The following SGK1 variants were observed in gnomAD, a reference collection of about 807,000 sequenced individuals.
SGK1 encodes the protein serine/threonine-protein kinase Sgk1.
Under a neutral mutation model 64.2 loss-of-function variants are expected in SGK1, and 26 were observed. The ratio of observed to expected loss-of-function variants is 0.40; its 90% CI spans 0.30 to 0.56. The LOEUF is 0.56. SGK1 is among the 20% of genes least tolerant of loss of function. The probability of loss-of-function intolerance (pLI) is 0.38; values close to 1 mark genes in which losing one functional copy is unlikely to be tolerated. For synonymous variants in SGK1, 265 were observed against 239.7 expected (o/e 1.11, Z -0.98); for missense variants, 519 against 645.6 (o/e 0.80, Z 2.12).
At chr6:134,206,018 C>A (rs1359511030) in intron 3 of SGK1, among the ~76,000 whole-genome samples, 2 of 151,980 alleles carry the variant, frequency 1.3e-5, no homozygotes, top group East Asian at 1.9e-4. Flanking sequence ...TGAGAACATA[C>A]CCTACTCTTT....
intron 2 of SGK1, among the ~76,000 whole-genome samples, chr6:134,231,062 G>A (rs566338486): frequency 1.7e-4 from 26 of 152,126 alleles, no homozygotes; most frequent in Non-Finnish European, 2.8e-4. Context: ...AGTGGTACAC[G>A]CCTGTGGTCC....
chr6:134,248,592 C>T (rs951557755), intron 2 of SGK1, among the ~76,000 whole-genome samples: 3 of 151,852 alleles, frequency 2.0e-5, no homozygotes, highest in Non-Finnish European at 4.4e-5. Flanking sequence ...GCTGGGATTA[C>T]AGTCATGTGC....
rs184777118 is a variant in SGK1 at position 134,204,968 on chromosome 6, T to C, written c.361+2388A>G. Among the ~76,000 whole-genome samples, 120 of 114,278 alleles carry C rather than the reference T, an allele frequency of 1.1e-3. 2 individuals are homozygous for C. In the East Asian group the frequency reaches 0.022, roughly 21 times the overall value. 75.0% of individuals were successfully genotyped at this position (114,278 alleles called of 152,430 possible). On this transcript the variant is annotated intron_variant, in intron 3 of 13. Transcript: ENST00000367858. ...CCCTCCCTCCTTTTCTTTCTTTCTTTCTTTTTCTTTCTTTCTTTCTTTCTC... is the reference window on the plus strand; with the variant it reads ...CCCTCCCTCCTTTTCTTTCTTTCTTCCTTTTTCTTTCTTTCTTTCTTTCTC...
At chr6:134,220,834 TAGTC>T (rs1776078737) in intron 2 of SGK1, among the ~76,000 whole-genome samples, 1 of 112,310 alleles carries the variant, frequency 8.9e-6, no homozygotes, top group Non-Finnish European at 1.7e-5. Context: ...ATACAAAAAT[TAGTC>T]AGGCATGGTG....
chr6:134,300,551 A>AG (rs1337871394), intron 1 of SGK1, among the ~76,000 whole-genome samples: 12 of 148,582 alleles, frequency 8.1e-5, no homozygotes, highest in Non-Finnish European at 1.3e-4. Context: ...AAAAAAAAAA[A>AG]AAAGAAAGAA....
At chr6:134,201,526 T>C (rs1028679521) in intron 3 of SGK1, among the ~76,000 whole-genome samples, 1 of 151,948 alleles carries the variant, frequency 6.6e-6, no homozygotes, top group African/African-American at 2.4e-5. Flanking sequence ...CAGGCCTAGC[T>C]AATTTTTGTA....
chr6:134,213,615 A>AAAATACATAAATAAAT (rs71545092), intron 2 of SGK1, among the ~76,000 whole-genome samples: 1 of 122,960 alleles, frequency 8.1e-6, no homozygotes, highest in African/African-American at 3.6e-5. Context: ...ACTCTGTCTC[A>AAAATACATAAATAAAT]AAATAAATAA....
chr6:134,210,893 G>C (rs1775878637), intron 2 of SGK1, among the ~76,000 whole-genome samples: 1 of 151,620 alleles, frequency 6.6e-6, no homozygotes, highest in East Asian at 1.9e-4. Context: ...GGGAGACTGA[G>C]GCGGGTGGGT....
rs936571816 is a variant in SGK1 at position 134,282,172 on chromosome 6, A to T, written c.70-20024T>A. ...CTCTAGACTTGTTCTGATTTTATTT[A>T]ATTTTATTTATTTATTTATTTTGAG... On this transcript the variant is annotated intron_variant, in intron 1 of 13. Transcript: ENST00000367858. 6.6e-5 allele frequency among the ~76,000 whole-genome samples: 10 copies of T among 151,812 alleles called. 1 individual carries two copies. Among genetic ancestry groups the T allele is most frequent in the Non-Finnish European group, 1.2e-4 (8 of 67,966 alleles).
intron 2 of SGK1, among the ~76,000 whole-genome samples, chr6:134,223,057 G>A (rs1378920919): frequency 6.6e-6 from 1 of 152,056 alleles, no homozygotes; most frequent in Non-Finnish European, 1.5e-5. Flanking sequence ...GCTATTTTAG[G>A]GTCATTGTGC....
chr6:134,270,743 G>A (rs1388269009), intron 1 of SGK1, among the ~76,000 whole-genome samples: 4 of 148,110 alleles, frequency 2.7e-5, no homozygotes, highest in African/African-American at 4.9e-5. Context: ...CTGGGGAAGT[G>A]GGAAAACGGA....
intron 1 of SGK1, chr6:134,298,797 T>G (rs1582772122): frequency 6.8e-6 from 2 of 292,458 alleles, no homozygotes; most frequent in East Asian, 1.2e-4. Flanking sequence ...ATTTATTTAT[T>G]TATTTATTTA....
chr6:134,279,632 C>T (rs1777065237), intron 1 of SGK1, among the ~76,000 whole-genome samples: 2 of 151,958 alleles, frequency 1.3e-5, no homozygotes, highest in South Asian at 4.1e-4. Flanking sequence ...TAATATGGCC[C>T]TCATTAATCC....
chr6:134,191,416 A>G (rs549921789), intron 3 of SGK1, among the ~76,000 whole-genome samples: 36 of 152,296 alleles, frequency 2.4e-4, no homozygotes, highest in Admixed American at 2.2e-3. Flanking sequence ...ACCACTGTCA[A>G]CTAGCATCAA....
intron 3 of SGK1, among the ~76,000 whole-genome samples, chr6:134,206,396 T>C (rs1775786076): frequency 8.3e-6 from 1 of 120,560 alleles, no homozygotes. Context: ...TTTTTTTTTT[T>C]TTTTTTTTTT....
chr6:134,268,946 GAAAA>G (rs60194315), intron 1 of SGK1, among the ~76,000 whole-genome samples: 16,291 of 103,622 alleles, frequency 0.16, 1,858 homozygotes, highest in African/African-American at 0.24. Context: ...TCTTTACTTG[GAAAA>G]AAAAAAAAAA....
At chr6:134,208,192 G>A (rs756524715) in intron 2 of SGK1, among the ~76,000 whole-genome samples, 8 of 152,240 alleles carry the variant, frequency 5.3e-5, no homozygotes, top group Admixed American at 6.5e-5. Context: ...GATTATAAGC[G>A]TGAACCACCG....
intron 2 of SGK1, among the ~76,000 whole-genome samples, chr6:134,223,368 C>CA (rs71003681): frequency 9.8e-4 from 136 of 138,756 alleles, no homozygotes; most frequent in African/African-American, 2.9e-3. Flanking sequence ...AACTCCGTCT[C>CA]AAAAAAAAAA....
chr6:134,316,743 CAAAAAAAAAA>C (rs141130901), intron 1 of SGK1, among the ~76,000 whole-genome samples: 28 of 39,332 alleles, frequency 7.1e-4, no homozygotes, highest in East Asian at 1.7e-3. Flanking sequence ...TGCTCTCTCC[CAAAAAAAAAA>C]AAAAAAAAAA....
Sources: gnomAD v4.1 joint callset for allele counts (sites outside exome capture counted in the v4.1 genomes callset) on GRCh38, gnomAD v4.1.1 for gene constraint, MANE v1.5 for transcripts, NCBI Gene and HGNC (gene_info 2026-07-23, HGNC 2026-07-21) for gene names.